DAW1: variants seen among roughly 807,000 people sequenced by gnomAD.
DAW1 encodes dynein assembly factor with WD repeats 1, also known as dynein assembly factor with WD repeat domains 1.
Under a neutral mutation model 56.5 loss-of-function variants are expected in DAW1, and 47 were observed. The ratio of observed to expected loss-of-function variants is 0.83; its 90% CI spans 0.66 to 1.06. The LOEUF (loss-of-function observed/expected upper bound fraction) is 1.06, where lower values mean the gene tolerates loss of function less well. Ranked by LOEUF, DAW1 falls within the 50% of genes least tolerant of loss-of-function variation. The pLI is 0.00. For synonymous variants in DAW1, 190 were observed against 179.0 expected, an observed-to-expected ratio of 1.06 and a Z score of -0.49; for missense variants, 505 against 499.3, an observed-to-expected ratio of 1.01 and a Z score of -0.11.
At chr2:227,897,755 C>T (rs1257541495) in intron 5 of DAW1, among the ~76,000 whole-genome samples, 2 of 152,136 alleles carry the variant, frequency 1.3e-5, no homozygotes, top group East Asian at 3.8e-4. Context: ...ACCTTATTAA[C>T]CATATTTTTA....
intron 12 of DAW1, 89 bp from the exon 13 acceptor site, chr2:227,923,845 A>G (rs1362375866): frequency 2.0e-6 from 3 of 1,510,072 alleles, no homozygotes; most frequent in Non-Finnish European, 2.7e-6. Context: ...GTTAATTACC[A>G]ATGGCCCAGA....
chr2:227,911,239 CATATATACAT>C (rs1486703474), intron 10 of DAW1, among the ~76,000 whole-genome samples: 1 of 38,732 alleles, frequency 2.6e-5, no homozygotes, highest in African/African-American at 7.9e-5. Flanking sequence ...TGTATATATA[CATATATACAT>C]ATATACACGT....
At chr2:227,885,975 C>CTTTTT (rs10655811) in intron 2 of DAW1, among the ~76,000 whole-genome samples, 2 of 131,996 alleles carry the variant, frequency 1.5e-5, no homozygotes, top group Non-Finnish European at 3.1e-5. Context: ...TTTTTCTTTC[C>CTTTTT]TTTTTTTTTT....
At chr2:227,874,963 A>AAGAC (rs1690843851) in intron 1 of DAW1, among the ~76,000 whole-genome samples, 1 of 117,790 alleles carries the variant, frequency 8.5e-6, no homozygotes, top group Admixed American at 9.7e-5. Flanking sequence ...ACTCTGTCTC[A>AAGAC]AAACAAACAA....
chr2:227,893,440 C>G lies in DAW1; in HGVS notation c.318-355C>G, dbSNP rs911888605. On this transcript the variant is annotated intron_variant, in intron 4 of 12. Coordinates refer to ENST00000309931, the MANE Select transcript of DAW1 (RefSeq NM_178821.3). ...CAGCACTTTGGGAGGCTGAGGCAGG[C>G]GGGTCACTTAAGGTCAGTAGTTCAA... Among the ~76,000 whole-genome samples the G allele has an allele frequency of 2.0e-5, 3 of 151,996 alleles. No individual in the cohort carries two copies. The East Asian group carries it at 5.8e-4, about 30-fold the overall frequency.
At chr2:227,923,900 GAA>G (rs747107889) in intron 12 of DAW1, 32 bp from the exon 13 acceptor site, 6 of 1,611,306 alleles carry the variant, frequency 3.7e-6, no homozygotes, top group African/African-American at 1.3e-5. Flanking sequence ...ATGAAATGAA[GAA>G]AAAAATAACT....
At chr2:227,905,211 T>C (rs990179343) in intron 8 of DAW1, among the ~76,000 whole-genome samples, 176 bp downstream of exon 8, 1 of 152,230 alleles carries the variant, frequency 6.6e-6, no homozygotes, top group African/African-American at 2.4e-5. Context: ...TCACAAAATA[T>C]GTGCATTCTT....
intron 1 of DAW1, among the ~76,000 whole-genome samples, chr2:227,881,128 A>G (rs1304708100): frequency 6.6e-6 from 1 of 152,228 alleles, no homozygotes; most frequent in Non-Finnish European, 1.5e-5. Flanking sequence ...CATATTGTTT[A>G]TAGTATTGAT....
rs753090178 is a variant in DAW1, at chr2:227,893,929, C to G, written c.440+12C>G. Reference sequence around the variant, plus strand: ...AACAATCCTTACGGGTGTGTTCATCCCTTCACTTATTTGTTTATTAATTCA... The same window carrying G: ...AACAATCCTTACGGGTGTGTTCATCGCTTCACTTATTTGTTTATTAATTCA... On this transcript the variant is annotated intron_variant, in intron 5 of 12. Coordinates refer to ENST00000309931, the MANE Select transcript of DAW1 (RefSeq NM_178821.3). 7.0e-6 allele frequency: 11 copies of G among 1,565,800 alleles called. No homozygotes were observed. The South Asian group carries it at 1.3e-4, about 19-fold the overall frequency.
chr2:227,924,023 A>G lies in DAW1; in HGVS notation c.*55A>G. 3 of 1,593,944 alleles carry G rather than the reference A, an allele frequency of 1.9e-6. No homozygotes were observed. The highest frequency in any genetic ancestry group is 2.6e-6 in the Non-Finnish European group (3 of 1,162,764). ...GCTAGCAATGGTAATCAAGAACTGG[A>G]ACTTCACAGACAGCAGCTCTCTTAA... On this transcript the variant is annotated 3_prime_UTR_variant, in exon 13 of 13. Coordinates refer to ENST00000309931, the MANE Select transcript of DAW1 (RefSeq NM_178821.3).
At chr2:227,920,274 G>A (rs780338659) in intron 11 of DAW1, among the ~76,000 whole-genome samples, 1 of 152,196 alleles carries the variant, frequency 6.6e-6, no homozygotes, top group Non-Finnish European at 1.5e-5. Context: ...CAAAGCTAAA[G>A]TATTCACTCA....
intron 10 of DAW1, among the ~76,000 whole-genome samples, chr2:227,911,196 A>G (rs1691805804): frequency 1.4e-5 from 2 of 144,228 alleles, no homozygotes; most frequent in South Asian, 4.2e-4. Flanking sequence ...ATGTATACAC[A>G]TACATATATA....
rs118173452 is a variant in DAW1, at chr2:227,909,414, A to T, written c.973+2162A>T. Among the ~76,000 whole-genome samples the T allele has an allele frequency of 6.8e-3, 1,008 of 148,406 alleles. 30 individuals carry two copies. Among genetic ancestry groups the T allele is most frequent in the East Asian group, 0.039 (198 of 5,136 alleles). On this transcript the variant is annotated intron_variant, in intron 10 of 12. Transcript: ENST00000309931. ...ATATACTATGTATATAATTCTGTTT[A>T]TAGTATATATAGTATATAACCAATA...
At chr2:227,893,737 A>G in intron 4 of DAW1, 58 bp from the exon 5 acceptor site, 1 of 1,559,880 alleles carries the variant, frequency 6.4e-7, no homozygotes, top group South Asian at 1.2e-5. Context: ...TAAAACATGA[A>G]GTCTTTATTA....
In DAW1 at chr2:227,900,456, C is replaced by T. The variant is rs534454655; in HGVS notation, c.540+2175C>T. Among the ~76,000 whole-genome samples the T allele has an allele frequency of 1.1e-3, 174 of 152,178 alleles. 3 individuals carry two copies. In the South Asian group the frequency reaches 0.035, roughly 30 times the overall value. On this transcript the variant is annotated intron_variant, in intron 6 of 12. Transcript: ENST00000309931. ...AGAATCAGACACAATTCTTACAATT[C>T]AATAGAAGGAGTAAAAGTGTCAATG...
rs571744948 is a variant in DAW1, at chr2:227,873,352, A to G, written c.40+1623A>G. On this transcript the variant is annotated intron_variant, in intron 1 of 12. Coordinates refer to ENST00000309931, the MANE Select transcript of DAW1 (RefSeq NM_178821.3). ...CCCATTTAATGTAAACTTCGTGAGA[A>G]CTAAGATCTTAGTGTGGTTTGATCA... Among the ~76,000 whole-genome samples the G allele has an allele frequency of 4.6e-5, 7 of 152,274 alleles. No homozygotes were observed. In the South Asian group the frequency reaches 1.5e-3, roughly 32 times the overall value.
chr2:227,920,209 A>G (rs1340731742), intron 11 of DAW1, among the ~76,000 whole-genome samples: 2 of 152,216 alleles, frequency 1.3e-5, no homozygotes, highest in Non-Finnish European at 2.9e-5. Flanking sequence ...TATGCTTTTT[A>G]AATGAACATA....
intron 6 of DAW1, among the ~76,000 whole-genome samples, chr2:227,900,730 G>A (rs1379801334): frequency 6.6e-6 from 1 of 152,188 alleles, no homozygotes; most frequent in Non-Finnish European, 1.5e-5. Context: ...CCCTCCATGT[G>A]GTGGCATGTG....
intron 6 of DAW1, among the ~76,000 whole-genome samples, chr2:227,901,929 T>C (rs1691555942): frequency 6.6e-6 from 1 of 152,036 alleles, no homozygotes; most frequent in African/African-American, 2.4e-5. Context: ...AAGGGGTTCT[T>C]AGAATGGGCG....
Sources: allele counts gnomAD v4.1 joint callset (sites outside exome capture counted in the v4.1 genomes callset), GRCh38; gene constraint gnomAD v4.1.1; transcripts MANE v1.5; gene names NCBI Gene and HGNC (gene_info 2026-07-23, HGNC 2026-07-21).